The following TRMT9B variants were observed in gnomAD, a reference collection of about 807,000 sequenced individuals.
TRMT9B encodes probable tRNA methyltransferase 9B.
TRMT9B carries 16 observed loss-of-function variants against 11.5 expected under a neutral mutation model. The ratio of observed to expected loss-of-function variants is 1.39; its 90% confidence interval spans 0.94 to 2.11. The LOEUF (loss-of-function observed/expected upper bound fraction) is 2.11, where lower values mean the gene tolerates loss of function less well. Among genes scored for constraint, TRMT9B ranks in the 30% most tolerant of loss-of-function variants. The pLI, the probability that TRMT9B is intolerant of heterozygous loss-of-function variation, is 0.00. For missense variants in TRMT9B, 941 were observed against 553.8 expected (o/e 1.70, Z -7.02); for synonymous variants, 274 against 192.4 (o/e 1.42, Z -3.51).
intron 1 of TRMT9B, among the ~76,000 whole-genome samples, chr8:12,968,889 T>A (rs896049206): frequency 6.6e-6 from 1 of 152,178 alleles, no homozygotes; most frequent in Non-Finnish European, 1.5e-5. Context: ...AGTGGTCACA[T>A]AAGCCTGCTC....
At chr8:12,947,106 G>A (rs958419991) in intron 1 of TRMT9B, among the ~76,000 whole-genome samples, 1 of 152,180 alleles carries the variant, frequency 6.6e-6, no homozygotes. Flanking sequence ...AAACAGCTGT[G>A]AGCTCTTTGA....
chr8:12,972,465 C>G (rs918362804), intron 1 of TRMT9B, among the ~76,000 whole-genome samples: 1 of 152,130 alleles, frequency 6.6e-6, no homozygotes, highest in African/African-American at 2.4e-5. Flanking sequence ...CTAACCGACT[C>G]CTATTGGAAA....
At chr8:12,948,790 C>G (rs1432915572) in intron 1 of TRMT9B, among the ~76,000 whole-genome samples, 3 of 152,022 alleles carry the variant, frequency 2.0e-5, no homozygotes, top group East Asian at 1.9e-4. Context: ...GAAACCTCAT[C>G]TCTACTAAAA....
chr8:12,968,999 G>A (rs562748853), intron 1 of TRMT9B, among the ~76,000 whole-genome samples: 1 of 152,326 alleles, frequency 6.6e-6, no homozygotes, highest in East Asian at 1.9e-4. Flanking sequence ...ATCACCTGAG[G>A]TCGGGAGTTC....
chr8:12,998,247 C>T (rs1398317695), intron 2 of TRMT9B, among the ~76,000 whole-genome samples: 6 of 152,130 alleles, frequency 3.9e-5, no homozygotes, highest in African/African-American at 7.2e-5. Context: ...TATTTTTCCT[C>T]TTATGGTTAG....
chr8:12,951,255 A>C (rs1201617273), intron 1 of TRMT9B: 1 of 152,160 alleles, frequency 6.6e-6, no homozygotes, highest in Non-Finnish European at 1.5e-5. Context: ...GTGGCACCCT[A>C]CTTAACCCCC....
chr8:13,029,155 A>G lies in TRMT9B; in HGVS notation c.*7111A>G, dbSNP rs909055302. ...TGAATACATCAAATTAGCAATTACC[A>G]TAGAAATGTATTTCATTGAATAAAT... On this transcript the variant is annotated 3_prime_UTR_variant, in exon 5 of 5. Transcript: ENST00000524591. 1 of 166,720 alleles carries G rather than the reference A, an allele frequency of 6.0e-6. No homozygotes were observed. The highest frequency in any genetic ancestry group is 1.5e-5 in the Non-Finnish European group (1 of 68,084). The allele number at this position is 166,720 out of a possible 1,614,324, so 10.3% of individuals were successfully genotyped here.
chr8:13,015,274 A>G (rs183701309), intron 4 of TRMT9B, among the ~76,000 whole-genome samples: 1 of 151,702 alleles, frequency 6.6e-6, no homozygotes, highest in Admixed American at 6.6e-5. Flanking sequence ...ATGTCTTGTT[A>G]CATCTTGATA....
chr8:12,983,650 A>T (rs1434918501), intron 1 of TRMT9B, among the ~76,000 whole-genome samples: 1 of 152,182 alleles, frequency 6.6e-6, no homozygotes, highest in Non-Finnish European at 1.5e-5. Context: ...AGCCTGGGCA[A>T]CAGAGCAAGA....
intron 1 of TRMT9B, among the ~76,000 whole-genome samples, chr8:12,961,033 C>T (rs998938333): frequency 6.6e-6 from 1 of 151,876 alleles, no homozygotes; most frequent in South Asian, 2.1e-4. Context: ...CCCAGCTACT[C>T]GGGAGGCTGA....
At chr8:12,962,469 G>C (rs1802255443) in intron 1 of TRMT9B, among the ~76,000 whole-genome samples, 1 of 151,788 alleles carries the variant, frequency 6.6e-6, no homozygotes, top group Non-Finnish European at 1.5e-5. Flanking sequence ...ATGTGTTCTG[G>C]CTTAAATTTT....
At chr8:12,953,426 T>C (rs1428841722) in intron 1 of TRMT9B, among the ~76,000 whole-genome samples, 2 of 152,100 alleles carry the variant, frequency 1.3e-5, no homozygotes, top group Non-Finnish European at 2.9e-5. Context: ...CTTGGCTCAA[T>C]ACAACTTCCG....
At chr8:13,010,663 C>G in intron 3 of TRMT9B, 1 of 984,812 alleles carries the variant, frequency 1.0e-6, no homozygotes, top group South Asian at 4.7e-5. Context: ...CCTCCTCATT[C>G]TAAAGATGTA....
intron 1 of TRMT9B, among the ~76,000 whole-genome samples, chr8:12,970,762 A>G (rs1803489505): frequency 6.6e-6 from 1 of 152,202 alleles, no homozygotes; most frequent in African/African-American, 2.4e-5. Context: ...TTTTTATGAC[A>G]CTTTTGGCTT....
intron 1 of TRMT9B, among the ~76,000 whole-genome samples, chr8:12,984,783 A>G (rs1805977691): frequency 6.6e-6 from 1 of 152,108 alleles, no homozygotes; most frequent in South Asian, 2.1e-4. Context: ...CATTTCTGAC[A>G]TTCTCTCATC....
At chr8:12,947,636 A>G (rs534508930) in intron 1 of TRMT9B, among the ~76,000 whole-genome samples, 18 of 152,366 alleles carry the variant, frequency 1.2e-4, no homozygotes, top group African/African-American at 3.4e-4. Flanking sequence ...TCTAAGTGCT[A>G]AGGACTGTGA....
intron 1 of TRMT9B, among the ~76,000 whole-genome samples, chr8:12,946,558 T>C (rs11203962): frequency 1.3e-5 from 2 of 152,132 alleles, no homozygotes; most frequent in East Asian, 1.9e-4. Context: ...AATGTGTTGA[T>C]GTCACCCTGG....
chr8:12,977,085 T>G (rs138049158), intron 1 of TRMT9B, among the ~76,000 whole-genome samples: 1 of 152,230 alleles, frequency 6.6e-6, no homozygotes, highest in East Asian at 1.9e-4. Flanking sequence ...AAGAGAAAAT[T>G]CAAATGCAGA....
intron 1 of TRMT9B, chr8:12,951,434 C>T (rs1349119265): frequency 6.6e-6 from 1 of 152,384 alleles, no homozygotes; most frequent in African/African-American, 2.4e-5. Flanking sequence ...GGGGCGTCTT[C>T]TCCTACGCAG....
Sources: allele counts gnomAD v4.1 joint callset (sites outside exome capture counted in the v4.1 genomes callset), GRCh38; gene constraint gnomAD v4.1.1; transcripts MANE v1.5; gene names NCBI Gene and HGNC (gene_info 2026-07-23, HGNC 2026-07-21).